The following KAZN variants were observed in gnomAD, a reference collection of about 807,000 sequenced individuals.
KAZN encodes kazrin.
In KAZN, 40 loss-of-function variants were observed where a neutral mutation model predicts 87.4. The observed-to-expected ratio is 0.46, with a 90% CI of 0.36 to 0.60. KAZN has a LOEUF of 0.60. KAZN is among the 20% of genes least tolerant of loss of function. The pLI is 0.00. For missense variants in KAZN, 898 were observed against 1,073.9 expected, an observed-to-expected ratio of 0.84 and a Z score of 2.29; for synonymous variants, 466 against 458.3, an observed-to-expected ratio of 1.02 and a Z score of -0.22.
intron 2 of KAZN, among the ~76,000 whole-genome samples, chr1:14,413,996 A>G (rs933203229): frequency 2.0e-5 from 3 of 152,240 alleles, no homozygotes; most frequent in Non-Finnish European, 4.4e-5. Flanking sequence ...AGATCTTTTC[A>G]TTCCGATCAT....
chr1:14,501,859 G>C (rs1351087608), intron 2 of KAZN, among the ~76,000 whole-genome samples: 1 of 152,180 alleles, frequency 6.6e-6, no homozygotes, highest in Non-Finnish European at 1.5e-5. Context: ...ATTCTGCTAA[G>C]TGAAAGAATC....
intron 2 of KAZN, among the ~76,000 whole-genome samples, chr1:14,548,990 T>C (rs533686215): frequency 9.2e-5 from 14 of 152,360 alleles, no homozygotes; most frequent in African/African-American, 3.4e-4. Flanking sequence ...GGCTTGCATA[T>C]ATTTTACTTA....
chr1:14,683,687 C>T (rs572415160), intron 1 of KAZN, among the ~76,000 whole-genome samples: 1 of 152,204 alleles, frequency 6.6e-6, no homozygotes, highest in Non-Finnish European at 1.5e-5. Context: ...TCCCAGCCCC[C>T]CTATCTGGTA....
At chr1:14,858,229 T>TTTTTTTTTTG (rs1352802605) in intron 1 of KAZN, among the ~76,000 whole-genome samples, 1 of 146,536 alleles carries the variant, frequency 6.8e-6, no homozygotes, top group Non-Finnish European at 1.5e-5. Flanking sequence ...TTTTTTTTTT[T>TTTTTTTTTTG]TGAGACAAAG....
At chr1:14,979,946 T>C (rs1324778883) in intron 2 of KAZN, among the ~76,000 whole-genome samples, 2 of 152,208 alleles carry the variant, frequency 1.3e-5, no homozygotes, top group Non-Finnish European at 2.9e-5. Context: ...TGGAGTATAG[T>C]GGCGCAGTCT....
chr1:14,190,793 T>C (rs1296678816), intron 2 of KAZN, among the ~76,000 whole-genome samples: 2 of 152,134 alleles, frequency 1.3e-5, no homozygotes, highest in African/African-American at 4.8e-5. Flanking sequence ...GAAGTGACAA[T>C]GTATGAGAAA....
At chr1:15,023,522 G>C (rs542833675) in intron 2 of KAZN, among the ~76,000 whole-genome samples, 1 of 152,228 alleles carries the variant, frequency 6.6e-6, no homozygotes, top group Admixed American at 6.5e-5. Context: ...GGCCAGGGCA[G>C]CTTCCCCGGA....
intron 2 of KAZN, among the ~76,000 whole-genome samples, chr1:14,266,319 T>C (rs1246070579): frequency 6.6e-6 from 1 of 152,198 alleles, no homozygotes; most frequent in Non-Finnish European, 1.5e-5. Context: ...CCAAATTCAG[T>C]TGGCTGTCTG....
intron 1 of KAZN, among the ~76,000 whole-genome samples, chr1:13,964,604 A>G (rs765860029): frequency 8.6e-5 from 13 of 152,036 alleles, no homozygotes; most frequent in Admixed American, 1.3e-4. Context: ...CCAGCAGGCC[A>G]CCCCAGGCTT....
intron 1 of KAZN, among the ~76,000 whole-genome samples, chr1:14,174,919 G>A (rs1321558354): frequency 1.3e-5 from 2 of 152,132 alleles, no homozygotes; most frequent in Non-Finnish European, 2.9e-5. Flanking sequence ...ATTCAGCTTG[G>A]GCACGGTCTA....
At chr1:14,495,469 C>A (rs546022612) in intron 2 of KAZN, among the ~76,000 whole-genome samples, 2 of 152,288 alleles carry the variant, frequency 1.3e-5, no homozygotes, top group South Asian at 2.1e-4. Flanking sequence ...TCACTCCACA[C>A]CCCCAGGCAA....
At chr1:15,019,984 C>A (rs1198438963) in intron 2 of KAZN, among the ~76,000 whole-genome samples, 2 of 152,162 alleles carry the variant, frequency 1.3e-5, no homozygotes, top group Non-Finnish European at 2.9e-5. Flanking sequence ...GTTGTCGTGG[C>A]CTGTGCAGGA....
At chr1:14,819,642 G>A (rs1646676902) in intron 1 of KAZN, among the ~76,000 whole-genome samples, 1 of 150,530 alleles carries the variant, frequency 6.6e-6, no homozygotes, top group Non-Finnish European at 1.5e-5. Context: ...TTTCCAGCCT[G>A]CCCTACACAC....
At chr1:14,703,482 TG>T (rs1483030882) in intron 1 of KAZN, among the ~76,000 whole-genome samples, 2 of 152,242 alleles carry the variant, frequency 1.3e-5, no homozygotes, top group East Asian at 1.9e-4. Context: ...AAGAAGGACA[TG>T]TTTGCTTCCC....
At chr1:14,749,406 C>T (rs933981553) in intron 1 of KAZN, among the ~76,000 whole-genome samples, 14 of 152,194 alleles carry the variant, frequency 9.2e-5, no homozygotes, top group African/African-American at 2.4e-4. Context: ...TTTTACTAGG[C>T]CAGGTGCTGA....
At chr1:14,633,943 T>C (rs1295508190) in intron 1 of KAZN, among the ~76,000 whole-genome samples, 1 of 152,078 alleles carries the variant, frequency 6.6e-6, no homozygotes, top group Non-Finnish European at 1.5e-5. Context: ...AATACCACAA[T>C]TGCTTACAAT....
Position 15,101,900 on chromosome 1 carries a change from C to T in KAZN, c.1779+126C>T, listed in dbSNP as rs1299529753. The T allele has an allele frequency of 1.5e-5, 10 of 669,276 alleles. No individual in the cohort carries two copies. In the Admixed American group the frequency reaches 2.2e-4, roughly 15 times the overall value. 41.5% of individuals were successfully genotyped at this position (669,276 alleles called of 1,614,324 possible). On this transcript the variant is annotated intron_variant, in intron 11 of 14. Transcript: ENST00000376030. ...ATCTGTCCACCCATCCATCCATCATCCAGCCATCCATTTATTGATCATCCG... is the reference window on the plus strand; with the variant it reads ...ATCTGTCCACCCATCCATCCATCATTCAGCCATCCATTTATTGATCATCCG...
intron 2 of KAZN, among the ~76,000 whole-genome samples, chr1:14,388,959 G>C (rs1395130435): frequency 6.6e-6 from 1 of 151,810 alleles, no homozygotes; most frequent in Non-Finnish European, 1.5e-5. Context: ...TTTCACAAGG[G>C]ATTAATAAGC....
chr1:14,733,183 C>T (rs1643756951), intron 1 of KAZN, among the ~76,000 whole-genome samples: 1 of 152,124 alleles, frequency 6.6e-6, no homozygotes. Flanking sequence ...ACTTTCCGCC[C>T]ACTGCCCCAG....
Sources: allele counts gnomAD v4.1 joint callset (sites outside exome capture counted in the v4.1 genomes callset), GRCh38; gene constraint gnomAD v4.1.1; transcripts MANE v1.5; gene names NCBI Gene and HGNC (gene_info 2026-07-23, HGNC 2026-07-21).